ENOX1: variants seen among roughly 807,000 people sequenced by gnomAD.
ENOX1 encodes candidate growth-related and time keeping constitutive hydroquinone (NADH) oxidase.
Under a neutral mutation model 82.5 loss-of-function variants are expected in ENOX1, and 42 were observed. The ratio of observed to expected loss-of-function variants is 0.51; its 90% confidence interval spans 0.40 to 0.66. ENOX1 has a LOEUF of 0.66. Ranked by LOEUF, ENOX1 falls within the 30% of genes least tolerant of loss-of-function variation. ENOX1 has a pLI of 0.00. For missense variants in ENOX1, 608 were observed against 811.6 expected, an observed-to-expected ratio of 0.75 and a Z score of 3.05; for synonymous variants, 271 against 282.2, an observed-to-expected ratio of 0.96 and a Z score of 0.40.
chr13:43,501,277 TAG>T (rs1566392071), intron 2 of ENOX1, among the ~76,000 whole-genome samples: 2 of 151,704 alleles, frequency 1.3e-5, no homozygotes, highest in African/African-American at 4.8e-5. Flanking sequence ...GATCATTATA[TAG>T]GGGAAAAAAG....
At chr13:43,762,164 G>A (rs1036581065) in intron 1 of ENOX1, among the ~76,000 whole-genome samples, 2 of 152,156 alleles carry the variant, frequency 1.3e-5, no homozygotes, top group Non-Finnish European at 2.9e-5. Flanking sequence ...AGCAGCTCAG[G>A]GGCAATTTAA....
At chr13:43,256,968 T>C (rs1352661944) in intron 14 of ENOX1, among the ~76,000 whole-genome samples, 1 of 152,114 alleles carries the variant, frequency 6.6e-6, no homozygotes, top group East Asian at 1.9e-4. Flanking sequence ...AATGGAATAC[T>C]ATTTAGCCAT....
chr13:43,590,991 T>C (rs1033957428), intron 2 of ENOX1, among the ~76,000 whole-genome samples: 5 of 152,192 alleles, frequency 3.3e-5, no homozygotes, highest in Admixed American at 6.5e-5. Flanking sequence ...ATTAGAAAAG[T>C]TGTGGTTTCC....
intron 1 of ENOX1, among the ~76,000 whole-genome samples, chr13:43,675,634 GT>G (rs932720653): frequency 6.6e-5 from 10 of 152,282 alleles, no homozygotes; most frequent in Admixed American, 2.0e-4. Flanking sequence ...GGTTGTTATT[GT>G]TGTCCCAATT....
At chr13:43,508,218 T>C (rs928113160) in intron 2 of ENOX1, among the ~76,000 whole-genome samples, 16 of 152,002 alleles carry the variant, frequency 1.1e-4, no homozygotes, top group African/African-American at 3.9e-4. Context: ...GCCTTATAGA[T>C]GGGCTGGAGG....
intron 16 of ENOX1, among the ~76,000 whole-genome samples, chr13:43,220,715 A>AT (rs1400380592): frequency 1.3e-5 from 2 of 152,226 alleles, no homozygotes; most frequent in East Asian, 3.9e-4. Context: ...CTGCTGTCAT[A>AT]TGCTTTCCAG....
At chr13:43,277,272 T>G (rs552502936) in intron 12 of ENOX1, among the ~76,000 whole-genome samples, 2 of 152,332 alleles carry the variant, frequency 1.3e-5, no homozygotes, top group African/African-American at 4.8e-5. Flanking sequence ...CAGAAGGCAA[T>G]CTCTCATTCA....
intron 11 of ENOX1, among the ~76,000 whole-genome samples, chr13:43,316,667 C>T (rs1427507074): frequency 2.0e-5 from 3 of 151,612 alleles, no homozygotes; most frequent in Non-Finnish European, 4.4e-5. Context: ...AGAAGCATAT[C>T]CATTACGGAA....
intron 2 of ENOX1, among the ~76,000 whole-genome samples, chr13:43,581,203 G>A (rs1382488941): frequency 7.5e-6 from 1 of 132,886 alleles, no homozygotes; most frequent in Non-Finnish European, 1.6e-5. Flanking sequence ...CGGGATCTCG[G>A]CTCACTGCAA....
intron 5 of ENOX1, among the ~76,000 whole-genome samples, chr13:43,396,170 G>A (rs1397147101): frequency 6.6e-6 from 1 of 152,144 alleles, no homozygotes; most frequent in Non-Finnish European, 1.5e-5. Context: ...AGATGCCACT[G>A]CTACGTCAAA....
intron 2 of ENOX1, among the ~76,000 whole-genome samples, chr13:43,509,691 T>A (rs192222671): frequency 5.1e-4 from 77 of 152,242 alleles, no homozygotes; most frequent in Middle Eastern, 3.4e-3. Flanking sequence ...GGTATTCTCA[T>A]TCATCTTCAA....
At chr13:43,429,340 G>A (rs2055523740) in intron 3 of ENOX1, among the ~76,000 whole-genome samples, 1 of 152,212 alleles carries the variant, frequency 6.6e-6, no homozygotes, top group African/African-American at 2.4e-5. Context: ...GATGGCAGCA[G>A]CAAAAACTCT....
chr13:43,447,768 T>C (rs929632327), intron 3 of ENOX1, among the ~76,000 whole-genome samples: 4 of 152,176 alleles, frequency 2.6e-5, no homozygotes, highest in Admixed American at 2.6e-4. Flanking sequence ...TGAAGTTATA[T>C]TTTGTATTTA....
At chr13:43,580,606 CA>C (rs2080674084) in intron 2 of ENOX1, among the ~76,000 whole-genome samples, 1 of 152,200 alleles carries the variant, frequency 6.6e-6, no homozygotes, top group African/African-American at 2.4e-5. Flanking sequence ...TAAGCTGTTG[CA>C]AATCCTATAT....
At chr13:43,616,272 G>A (rs569004991) in intron 2 of ENOX1, among the ~76,000 whole-genome samples, 14 of 129,392 alleles carry the variant, frequency 1.1e-4, no homozygotes, top group Admixed American at 4.2e-4. Context: ...GTGTGATCTC[G>A]GCTCACTGGA....
rs201924345 is a variant in ENOX1 at position 43,213,985 on chromosome 13, C to G, written c.*5G>C. On this transcript the variant is annotated 3_prime_UTR_variant, in exon 17 of 17. Transcript: ENST00000690772. The stretch of plus-strand genomic sequence containing the variant: ...TCATTTCCAGAGATGCTTTGCTCTT[C>G]GCAGTTAGGTAGTTTTAATTCCTTC... 1 of 1,612,738 alleles carries G rather than the reference C, an allele frequency of 6.2e-7. No individual in the cohort carries two copies. The highest frequency in any genetic ancestry group is 8.5e-7 in the Non-Finnish European group (1 of 1,179,344).
intron 2 of ENOX1, among the ~76,000 whole-genome samples, chr13:43,616,204 A>ATATATATATATT (rs1457149422): frequency 6.5e-5 from 1 of 15,318 alleles, no homozygotes; most frequent in African/African-American, 1.1e-4. Context: ...ATATATATAT[A>ATATATATATATT]TTTTTTTTTT....
At chr13:43,333,966 G>A (rs2048559778) in intron 9 of ENOX1, among the ~76,000 whole-genome samples, 1 of 152,218 alleles carries the variant, frequency 6.6e-6, no homozygotes, top group Non-Finnish European at 1.5e-5. Context: ...ACTGGGCTAG[G>A]CACTATGCTT....
chr13:43,307,670 A>G (rs993479997), intron 11 of ENOX1, among the ~76,000 whole-genome samples: 11 of 152,080 alleles, frequency 7.2e-5, no homozygotes, highest in South Asian at 4.1e-4. Context: ...CCATTAACCT[A>G]TCGGCCTGCT....
Sources: allele counts gnomAD v4.1 joint callset (sites outside exome capture counted in the v4.1 genomes callset), GRCh38; gene constraint gnomAD v4.1.1; transcripts MANE v1.5; gene names NCBI Gene and HGNC (gene_info 2026-07-23, HGNC 2026-07-21).